Variants in TNS3 observed in about 807,000 individuals in gnomAD.
TNS3 encodes tensin 3, also known as tensin-3.
TNS3 carries 45 observed loss-of-function variants against 140.9 expected under a neutral mutation model. The ratio of observed to expected loss-of-function variants is 0.32; its 90% confidence interval spans 0.25 to 0.41. The LOEUF (loss-of-function observed/expected upper bound fraction) is 0.41, where lower values mean the gene tolerates loss of function less well. TNS3 is among the 10% of genes least tolerant of loss of function. TNS3 has a pLI of 1.00. For missense variants in TNS3, 1,716 were observed against 1,906.7 expected (o/e 0.90, Z 1.86); for synonymous variants, 815 against 788.4 (o/e 1.03, Z -0.56).
intron 2 of TNS3, among the ~76,000 whole-genome samples, chr7:47,524,227 T>A (rs775392143): frequency 1.3e-5 from 2 of 152,154 alleles, no homozygotes; most frequent in African/African-American, 4.8e-5. Flanking sequence ...CGTACACCCC[T>A]CCCCGAGTCC....
At chr7:47,339,956 CAT>C (rs35991026) in intron 20 of TNS3, among the ~76,000 whole-genome samples, 53,093 of 136,270 alleles carry the variant, frequency 0.39, 10,147 homozygotes, top group South Asian at 0.47. Flanking sequence ...TTATAAGTGG[CAT>C]ATATATATAT....
At chr7:47,524,581 T>C (rs1261824088) in intron 2 of TNS3, among the ~76,000 whole-genome samples, 1 of 150,574 alleles carries the variant, frequency 6.6e-6, no homozygotes, top group Non-Finnish European at 1.5e-5. Flanking sequence ...GGCGGGTGGA[T>C]CATGAGGTCA....
At position 47,277,805 on chromosome 7, in the gene TNS3, C is replaced by G. The variant is rs939870403; in HGVS notation, c.*271G>C. ...TTGCATGTCCCTTTCCCATGGGGAC[C>G]CTAGGGGGTGGGGTGCACCCATGCC... is the stretch of plus-strand genomic sequence containing the variant. On this transcript the variant is annotated 3_prime_UTR_variant, in exon 31 of 31. Transcript: ENST00000311160. The G allele has an allele frequency of 5.8e-6, 3 of 514,388 alleles. No individual in the cohort carries two copies. In the Admixed American group the frequency reaches 8.7e-5, roughly 15 times the overall value. 31.9% of individuals were successfully genotyped at this position (514,388 alleles called of 1,614,324 possible).
At chr7:47,461,165 A>G (rs994757612) in intron 4 of TNS3, among the ~76,000 whole-genome samples, 1 of 152,224 alleles carries the variant, frequency 6.6e-6, no homozygotes, top group Non-Finnish European at 1.5e-5. Context: ...TGAGCCCCGC[A>G]TTAAGTGTTG....
chr7:47,309,191 C>G (rs953295253), intron 20 of TNS3, among the ~76,000 whole-genome samples: 3 of 152,168 alleles, frequency 2.0e-5, no homozygotes, highest in Admixed American at 2.0e-4. Context: ...ATAGTTTGTC[C>G]ATTTTTTGTT....
At chr7:47,524,354 A>T (rs1584810322) in intron 2 of TNS3, among the ~76,000 whole-genome samples, 1 of 152,188 alleles carries the variant, frequency 6.6e-6, no homozygotes, top group African/African-American at 2.4e-5. Context: ...CCAGAACTTG[A>T]CCCCACATCC....
intron 8 of TNS3, among the ~76,000 whole-genome samples, chr7:47,432,715 G>A (rs1012293186): frequency 6.6e-5 from 10 of 152,214 alleles, no homozygotes; most frequent in African/African-American, 2.2e-4. Flanking sequence ...AAGCAGCCAT[G>A]GATGTACGTG....
rs778843616 is a variant in TNS3 at position 47,428,324 on chromosome 7, T to C, written c.377A>G (p.Asn126Ser). The change falls in exon 9 of 31, where the codon AAC becomes AGC. Residue 126 changes from asparagine to serine, a missense_variant. Transcript: ENST00000311160. ...VVISSYMHFT[N>S]VSASADQALD... ...ATCTTCATCCTACCTGGCTGAGACG[T>C]TGGTGAAATGCATGTAGGATGATAT... The C allele has an allele frequency of 3.5e-6, 5 of 1,446,406 alleles. No individual in the cohort carries two copies. Among genetic ancestry groups the C allele is most frequent in the Admixed American group, 2.6e-5 (1 of 38,874 alleles). 89.6% of individuals were successfully genotyped at this position (1,446,406 alleles called of 1,614,324 possible). A position where few individuals can be genotyped will look rare whatever the true frequency, so the allele number is the denominator to read the frequency against.
At chr7:47,483,955 G>T (rs534803294) in intron 3 of TNS3, among the ~76,000 whole-genome samples, 2 of 152,220 alleles carry the variant, frequency 1.3e-5, no homozygotes, top group African/African-American at 2.4e-5. Context: ...CAGAGCTTAC[G>T]GCTCACGTAA....
At chr7:47,528,021 T>C (rs975251750) in intron 2 of TNS3, among the ~76,000 whole-genome samples, 6 of 152,046 alleles carry the variant, frequency 3.9e-5, no homozygotes, top group African/African-American at 1.4e-4. Flanking sequence ...CACAGGTGGC[T>C]CCCTGGTCTC....
In TNS3 at chr7:47,275,615, A is replaced by T; in HGVS notation, c.*2461T>A. On this transcript the variant is annotated 3_prime_UTR_variant, in exon 31 of 31. Transcript: ENST00000311160. Reference sequence around the variant, plus strand: ...TGAGCCCACAGTACAATCTGTGATGACACACAGCTTGTTCTGTTTAATGCA... The same window carrying T: ...TGAGCCCACAGTACAATCTGTGATGTCACACAGCTTGTTCTGTTTAATGCA... 1 of 350,248 alleles carries T rather than the reference A, an allele frequency of 2.9e-6. No individual in the cohort carries two copies. Among genetic ancestry groups the T allele is most frequent in the Non-Finnish European group, 5.7e-6 (1 of 176,710 alleles). The allele number at this position is 350,248 out of a possible 1,614,324, so 21.7% of individuals were successfully genotyped here. A position where few individuals can be genotyped will look rare whatever the true frequency, so the allele number is the denominator to read the frequency against.
At chr7:47,571,062 C>T (rs897735758) in intron 1 of TNS3, among the ~76,000 whole-genome samples, 1 of 152,284 alleles carries the variant, frequency 6.6e-6, no homozygotes, top group East Asian at 1.9e-4. Flanking sequence ...GCTCCACTCC[C>T]TTCTCAGTCA....
chr7:47,529,546 A>C (rs1385215874), intron 1 of TNS3, among the ~76,000 whole-genome samples: 1 of 152,250 alleles, frequency 6.6e-6, no homozygotes, highest in African/African-American at 2.4e-5. Flanking sequence ...TTCTGGAAAA[A>C]GTAATTAGCT....
chr7:47,546,782 C>T (rs942678981), intron 1 of TNS3, among the ~76,000 whole-genome samples: 1 of 152,192 alleles, frequency 6.6e-6, no homozygotes, highest in African/African-American at 2.4e-5. Flanking sequence ...CATGGGCTTG[C>T]GGCATACCCC....
rs185207550 is a variant in TNS3, at chr7:47,435,816, G to A, written c.202-412C>T. ...AGTGCAGCCAGCCATCTCCCACACC[G>A]TGCGGACAACACCTCAGAGACAATC... On this transcript the variant is annotated intron_variant, in intron 7 of 30. Transcript: ENST00000311160. 3.7e-4 allele frequency among the ~76,000 whole-genome samples: 57 copies of A among 152,288 alleles called. 1 individual carries two copies. In the East Asian group the frequency reaches 6.9e-3, roughly 19 times the overall value.
chr7:47,369,358 T>G lies in TNS3; in HGVS notation c.1288A>C (p.Ser430Arg). The G allele has an allele frequency of 6.2e-7, 1 of 1,614,220 alleles. No homozygotes were observed. Among genetic ancestry groups the G allele is most frequent in the Non-Finnish European group, 8.5e-7 (1 of 1,180,044 alleles). The stretch of plus-strand genomic sequence containing the variant: ...CCAGGATCTTCCAGGCCAAAGCCAC[T>G]GAGCAGCTGGTCCAACTCTGCCTTC... ...QEKAELDQLL[S>R]GFGLEDPGSS... Residue 430 changes from serine (S) to arginine (R), a missense_variant, in exon 17 of 31, where the codon AGT (serine) becomes CGT (arginine). Around this residue, in one of 3 missense-constraint regions of TNS3, gnomAD observed 1,163 missense variants for 1,182.1 expected, o/e 0.98. Transcript: ENST00000311160.
chr7:47,464,333 G>C (rs544365609), intron 4 of TNS3, among the ~76,000 whole-genome samples: 2 of 152,130 alleles, frequency 1.3e-5, no homozygotes, highest in African/African-American at 4.8e-5. Context: ...TCATCTGCCC[G>C]GGATGGAAAG....
intron 4 of TNS3, among the ~76,000 whole-genome samples, chr7:47,475,291 G>A (rs1399900953): frequency 6.6e-6 from 1 of 152,202 alleles, no homozygotes; most frequent in Non-Finnish European, 1.5e-5. Flanking sequence ...GAGAAGCACC[G>A]CCCTGATGAC....
intron 1 of TNS3, among the ~76,000 whole-genome samples, chr7:47,577,744 A>G (rs1800708040): frequency 6.6e-6 from 1 of 152,190 alleles, no homozygotes; most frequent in East Asian, 1.9e-4. Flanking sequence ...TTGAGTAGTA[A>G]AAGGAAGGGG....
Sources: gnomAD v4.1 joint callset for allele counts (sites outside exome capture counted in the v4.1 genomes callset) on GRCh38, gnomAD v4.1.1 for gene constraint, gnomAD v4.1.1 regional missense constraint, MANE v1.5 for transcripts, NCBI Gene and HGNC (gene_info 2026-07-23, HGNC 2026-07-21) for gene names.